NRP1: variants seen among roughly 807,000 people sequenced by gnomAD.
NRP1 encodes the protein neuropilin-1.
NRP1 carries 35 observed loss-of-function variants against 106.7 expected under a neutral mutation model. That is an observed-to-expected ratio of 0.33 (90% CI 0.25 to 0.43). The LOEUF (loss-of-function observed/expected upper bound fraction) is 0.43, where lower values mean the gene tolerates loss of function less well. NRP1 is among the 20% of genes least tolerant of loss of function. The probability of loss-of-function intolerance (pLI) is 1.00; values close to 1 mark genes in which losing one functional copy is unlikely to be tolerated. For synonymous variants in NRP1, 437 were observed against 417.9 expected (o/e 1.05, Z -0.56); for missense variants, 1,024 against 1,170.4 (o/e 0.87, Z 1.83).
chr10:33,319,195 CG>C (rs1472424542), intron 2 of NRP1, among the ~76,000 whole-genome samples: 6 of 151,626 alleles, frequency 4.0e-5, no homozygotes, highest in Non-Finnish European at 5.9e-5. Context: ...TTAGTAGAGA[CG>C]GGGGTTTCAC....
intron 11 of NRP1, chr10:33,202,453 C>G (rs1483925639): frequency 2.0e-5 from 13 of 660,052 alleles, no homozygotes; most frequent in Non-Finnish European, 2.8e-5. Context: ...AAATATAAGC[C>G]TAACTTTATC....
intron 6 of NRP1, among the ~76,000 whole-genome samples, chr10:33,229,816 G>A (rs942085198): frequency 2.6e-5 from 4 of 151,918 alleles, no homozygotes; most frequent in African/African-American, 9.7e-5. Flanking sequence ...CATTAAAAAA[G>A]AAAGATTTTT....
chr10:33,203,039 T>A (rs776391881), intron 10 of NRP1, 44 bp from the exon 11 acceptor site: 42 of 1,562,116 alleles, frequency 2.7e-5, no homozygotes, highest in Non-Finnish European at 3.6e-5. Context: ...CTTGGAAATG[T>A]ATTCTCAAGC....
intron 6 of NRP1, among the ~76,000 whole-genome samples, chr10:33,249,248 G>C (rs986565654): frequency 6.6e-6 from 1 of 152,020 alleles, no homozygotes; most frequent in African/African-American, 2.4e-5. Flanking sequence ...AATAATTAAC[G>C]AATTAAATTC....
At chr10:33,296,644 C>T (rs1409681601) in intron 2 of NRP1, among the ~76,000 whole-genome samples, 2 of 152,144 alleles carry the variant, frequency 1.3e-5, no homozygotes, top group African/African-American at 4.8e-5. Context: ...AAGGCTTCAC[C>T]CCTAGATTGG....
At chr10:33,208,995 C>T (rs1838056714) in intron 9 of NRP1, among the ~76,000 whole-genome samples, 1 of 148,308 alleles carries the variant, frequency 6.7e-6, no homozygotes, top group Admixed American at 6.9e-5. Context: ...CAACCTGTGC[C>T]TCTTGGGCTC....
chr10:33,186,302 T>A lies in NRP1; in HGVS notation c.2249A>T (p.Gln750Leu). 6.2e-7 allele frequency: 1 copy of A among 1,614,166 alleles called. No homozygotes were observed. The highest frequency in any genetic ancestry group is 8.5e-7 in the Non-Finnish European group (1 of 1,180,026). The change falls in exon 14 of 17, where the codon CAG becomes CTG. Residue 750 changes from glutamine (Q) to leucine (L), a missense_variant. Physicochemically the swap from Gln to Leu is moderately radical, Grantham distance 113. Transcript: ENST00000374867. ...LRYQKPEEYDQLVWMAIGHQG... is the reference protein window; with the variant it reads ...LRYQKPEEYDLLVWMAIGHQG... ...GTGTCCAATGGCCATCCAGACCAGCTGATCGTACTCCTCTGGCTTCTGGTA... is the reference window on the plus strand; with the variant it reads ...GTGTCCAATGGCCATCCAGACCAGCAGATCGTACTCCTCTGGCTTCTGGTA...
intron 10 of NRP1, among the ~76,000 whole-genome samples, chr10:33,203,500 TAA>T (rs201664744): frequency 6.1e-4 from 90 of 148,714 alleles, no homozygotes; most frequent in Admixed American, 4.5e-3. Context: ...AGTGTTTTTT[TAA>T]AAAAAAACAA....
At chr10:33,248,434 A>G (rs924746249) in intron 6 of NRP1, among the ~76,000 whole-genome samples, 6 of 152,366 alleles carry the variant, frequency 3.9e-5, no homozygotes, top group African/African-American at 1.4e-4. Flanking sequence ...TGAACTTAGA[A>G]GAAGGGCATT....
intron 13 of NRP1, among the ~76,000 whole-genome samples, 177 bp from the exon 14 acceptor site, chr10:33,186,665 T>C (rs998360097): frequency 2.6e-5 from 4 of 152,160 alleles, no homozygotes; most frequent in Non-Finnish European, 5.9e-5. Context: ...AAGGCCCTGC[T>C]CTCAGCTCTT....
chr10:33,270,956 A>AG, intron 2 of NRP1, 100 bp from the exon 3 acceptor site: 1 of 1,058,106 alleles, frequency 9.5e-7, no homozygotes, highest in Non-Finnish European at 1.3e-6. Context: ...TGTGCCAGGA[A>AG]GAAAAAAAAG....
At chr10:33,247,242 T>C (rs1564419682) in intron 6 of NRP1, among the ~76,000 whole-genome samples, 1 of 152,170 alleles carries the variant, frequency 6.6e-6, no homozygotes, top group Non-Finnish European at 1.5e-5. Flanking sequence ...TAAATAAATA[T>C]CATACTACCA....
chr10:33,240,458 A>C (rs1840926717), intron 6 of NRP1, among the ~76,000 whole-genome samples: 1 of 152,196 alleles, frequency 6.6e-6, no homozygotes, highest in South Asian at 2.1e-4. Flanking sequence ...TTTTGCAGTT[A>C]ATCATGGCTT....
chr10:33,303,060 G>T (rs538093285), intron 2 of NRP1, among the ~76,000 whole-genome samples: 1 of 152,204 alleles, frequency 6.6e-6, no homozygotes, highest in East Asian at 1.9e-4. Flanking sequence ...ACCAGTTCAG[G>T]CAAAAAGCTG....
At chr10:33,205,268 A>C (rs1294744247) in intron 10 of NRP1, among the ~76,000 whole-genome samples, 1 of 152,236 alleles carries the variant, frequency 6.6e-6, no homozygotes, top group Non-Finnish European at 1.5e-5. Context: ...TTTGTTTCAC[A>C]TACGGCCCAG....
chr10:33,305,909 C>G (rs556617248), intron 2 of NRP1, among the ~76,000 whole-genome samples: 4 of 152,174 alleles, frequency 2.6e-5, no homozygotes, highest in Admixed American at 2.6e-4. Context: ...GCTGGGACTA[C>G]AGGCACATAC....
At chr10:33,306,037 G>A (rs1846134532) in intron 2 of NRP1, among the ~76,000 whole-genome samples, 1 of 152,108 alleles carries the variant, frequency 6.6e-6, no homozygotes, top group African/African-American at 2.4e-5. Flanking sequence ...AAAGTGCTGG[G>A]ATTACAGGCG....
At chr10:33,272,126 G>A (rs926698092) in intron 2 of NRP1, among the ~76,000 whole-genome samples, 5 of 152,094 alleles carry the variant, frequency 3.3e-5, no homozygotes, top group African/African-American at 4.8e-5. Context: ...CAAACTGCCC[G>A]GGACGCATGA....
chr10:33,241,749 C>A (rs925344302), intron 6 of NRP1, among the ~76,000 whole-genome samples: 2 of 151,652 alleles, frequency 1.3e-5, no homozygotes, highest in African/African-American at 4.8e-5. Flanking sequence ...TCCTTTCATA[C>A]AATCTTAGAG....
Sources: gnomAD v4.1 joint callset for allele counts (sites outside exome capture counted in the v4.1 genomes callset) on GRCh38, gnomAD v4.1.1 for gene constraint, MANE v1.5 for transcripts, NCBI Gene and HGNC (gene_info 2026-07-23, HGNC 2026-07-21) for gene names.